The following WDR4 variants were observed in gnomAD, a reference collection of about 807,000 sequenced individuals.
The protein encoded by WDR4 is tRNA (guanine-N(7)-)-methyltransferase non-catalytic subunit WDR4.
In WDR4, 47 loss-of-function variants were observed where a neutral mutation model predicts 48.6. The ratio of observed to expected loss-of-function variants is 0.97; its 90% CI spans 0.77 to 1.23. WDR4 has a LOEUF of 1.23. WDR4 is among the 50% of genes most tolerant of loss of function. The pLI, the probability that WDR4 is intolerant of heterozygous loss-of-function variation, is 0.00. For missense variants in WDR4, 606 were observed against 551.6 expected, an observed-to-expected ratio of 1.10 and a Z score of -0.99; for synonymous variants, 268 against 230.0, an observed-to-expected ratio of 1.17 and a Z score of -1.49.
At chr21:42,859,948 G>T (rs945396378) in intron 5 of WDR4, among the ~76,000 whole-genome samples, 1 of 152,104 alleles carries the variant, frequency 6.6e-6, no homozygotes, top group East Asian at 1.9e-4. Flanking sequence ...GGTCATTCCT[G>T]GGTCCCCAAC....
At chr21:42,868,278 C>T (rs1313603517) in intron 3 of WDR4, among the ~76,000 whole-genome samples, 2 of 152,234 alleles carry the variant, frequency 1.3e-5, no homozygotes, top group African/African-American at 2.4e-5. Context: ...GCAGACTGGA[C>T]ATCCCCTCTC....
At chr21:42,885,579 A>T in the WDR4 span, among the ~76,000 whole-genome samples, 1 of 147,930 alleles carries the variant, frequency 6.8e-6, no homozygotes, top group Non-Finnish European at 1.5e-5. Context: ...ATTGCACTCC[A>T]GCCTGGGCAA....
At chr21:42,874,338 T>A (rs374494510) in intron 2 of WDR4, among the ~76,000 whole-genome samples, 2 of 152,212 alleles carry the variant, frequency 1.3e-5, no homozygotes, top group African/African-American at 4.8e-5. Flanking sequence ...GGAGGATGTA[T>A]GTCACCTCGG....
chr21:42,858,937 G>A (rs545812716), intron 6 of WDR4, among the ~76,000 whole-genome samples: 10 of 152,232 alleles, frequency 6.6e-5, no homozygotes, highest in South Asian at 2.1e-4. Flanking sequence ...GGTGGTGTGC[G>A]GGCAACAATT....
At chr21:42,867,756 T>C in intron 3 of WDR4, among the ~76,000 whole-genome samples, 1 of 151,380 alleles carries the variant, frequency 6.6e-6, no homozygotes, top group Non-Finnish European at 1.5e-5. Context: ...AGATACGAGA[T>C]CTCACTATGT....
At chr21:42,866,456 A>T (rs1260635537) in intron 3 of WDR4, among the ~76,000 whole-genome samples, 1 of 152,198 alleles carries the variant, frequency 6.6e-6, no homozygotes, top group Non-Finnish European at 1.5e-5. Context: ...CTAGGAGTAC[A>T]TGGAACCTCT....
chr21:42,876,843 A>G, intron 1 of WDR4, 76 bp from the exon 2 acceptor site: 4 of 1,383,122 alleles, frequency 2.9e-6, no homozygotes, highest in Middle Eastern at 1.8e-4. Context: ...TTTGAGACGG[A>G]GTTTCGCTCT....
rs374409128 is a variant in WDR4 at position 42,872,240 on chromosome 21, C to T, written c.296+1311G>A. On this transcript the variant is annotated intron_variant, in intron 3 of 10. Coordinates refer to ENST00000398208, the MANE Select transcript of WDR4 (RefSeq NM_018669.6). ...CTCAGGTGATCCGATCCGCCTGCCT[C>T]GGCCTCCCAAAGTGCTAGGATTACA... Among the ~76,000 whole-genome samples the T allele has an allele frequency of 2.4e-4, 37 of 152,204 alleles. 1 individual carries two copies. The highest frequency in any genetic ancestry group is 2.1e-3 in the South Asian group (10 of 4,826).
intron 3 of WDR4, among the ~76,000 whole-genome samples, chr21:42,864,546 A>C (rs1658199218): frequency 6.6e-6 from 1 of 152,140 alleles, no homozygotes; most frequent in Non-Finnish European, 1.5e-5. Flanking sequence ...CTCGGGAGGA[A>C]GCTCGGTTAT....
chr21:42,843,677 G>A (rs9976269), intron 11 of WDR4, among the ~76,000 whole-genome samples: 36,224 of 151,728 alleles, frequency 0.24, 5,418 homozygotes, highest in African/African-American at 0.44. Flanking sequence ...AGGTTCAAGC[G>A]ATTCTCCTGC....
At chr21:42,889,505 A>G in the WDR4 span, among the ~76,000 whole-genome samples, 1 of 151,840 alleles carries the variant, frequency 6.6e-6, no homozygotes, top group East Asian at 1.9e-4. Flanking sequence ...TTTCCAGCCC[A>G]CTCCCAAGTG....
In WDR4 at chr21:42,849,565, C is replaced by T. The variant is rs554754020; in HGVS notation, c.*484G>A. The T allele has an allele frequency of 2.4e-3, 371 of 154,260 alleles. 1 individual carries two copies. The highest frequency in any genetic ancestry group is 8.6e-3 in the African/African-American group (358 of 41,600). 9.6% of individuals were successfully genotyped at this position (154,260 alleles called of 1,614,324 possible). On this transcript the variant is annotated 3_prime_UTR_variant, in exon 11 of 11. Transcript: ENST00000398208. ...GCTACGGCTGGGGCTGGGGCAGGCT[C>T]AAGCATTCGTGCTGAGTTTCAACAG...
the WDR4 span, among the ~76,000 whole-genome samples, chr21:42,885,387 G>C: frequency 2.0e-5 from 3 of 152,086 alleles, no homozygotes; most frequent in Non-Finnish European, 4.4e-5. Flanking sequence ...GAGGCAGGCA[G>C]ACCACCTAAG....
chr21:42,882,691 G>A (rs370257184), upstream of WDR4, among the ~76,000 whole-genome samples: 2 of 151,378 alleles, frequency 1.3e-5, no homozygotes, highest in East Asian at 2.0e-4. Context: ...GGCCAGGCAC[G>A]GTGACTCACA....
At chr21:42,854,073 A>G (rs939790338) in intron 8 of WDR4, among the ~76,000 whole-genome samples, 1 of 152,198 alleles carries the variant, frequency 6.6e-6, no homozygotes, top group Non-Finnish European at 1.5e-5. Context: ...AGAACGAGCT[A>G]AGAGACCTCC....
chr21:42,866,702 C>A (rs2058255064), intron 3 of WDR4, among the ~76,000 whole-genome samples: 1 of 152,050 alleles, frequency 6.6e-6, no homozygotes, highest in South Asian at 2.1e-4. Context: ...CTCTCCCTGC[C>A]CCACTCGCAT....
intron 6 of WDR4, 71 bp downstream of exon 6, chr21:42,859,591 G>GGTGC: frequency 1.7e-6 from 1 of 605,726 alleles, no homozygotes; most frequent in Non-Finnish European, 2.7e-6. Flanking sequence ...GCCAGGTCCA[G>GGTGC]GAGGCGCCCA....
chr21:42,883,340 G>A (rs1158449265), upstream of WDR4, among the ~76,000 whole-genome samples: 5 of 142,742 alleles, frequency 3.5e-5, no homozygotes, highest in Non-Finnish European at 4.5e-5. Flanking sequence ...TTACAAACTG[G>A]CAAGACGACA....
At chr21:42,877,202 G>C (rs7283544) in intron 1 of WDR4, among the ~76,000 whole-genome samples, 4,931 of 144,728 alleles carry the variant, frequency 0.034, 127 homozygotes, top group South Asian at 0.11. Context: ...GGAGTGCAAG[G>C]GCATGATCTC....
Sources: gnomAD v4.1 joint callset for allele counts (sites outside exome capture counted in the v4.1 genomes callset) on GRCh38, gnomAD v4.1.1 for gene constraint, MANE v1.5 for transcripts, NCBI Gene and HGNC (gene_info 2026-07-23, HGNC 2026-07-21) for gene names.